The following ACVR1 variants were observed in gnomAD, a reference collection of about 807,000 sequenced individuals.
ACVR1 encodes the protein activin receptor type-1.
Under a neutral mutation model 57.1 loss-of-function variants are expected in ACVR1, and 38 were observed. The observed-to-expected ratio is 0.67, with a 90% confidence interval of 0.51 to 0.87. ACVR1 has a LOEUF of 0.87. ACVR1 is among the 40% of genes least tolerant of loss of function. ACVR1 has a pLI of 0.00. For synonymous variants in ACVR1, 212 were observed against 228.1 expected (o/e 0.93, Z 0.63); for missense variants, 463 against 638.2 (o/e 0.73, Z 2.96).
intron 1 of ACVR1, among the ~76,000 whole-genome samples, chr2:157,861,422 C>G (rs1166971851): frequency 6.6e-6 from 1 of 152,146 alleles, no homozygotes; most frequent in Non-Finnish European, 1.5e-5. Flanking sequence ...TGGTTGGGGA[C>G]CTTCAGCAGG....
At chr2:157,867,540 T>C (rs766071553) in intron 1 of ACVR1, among the ~76,000 whole-genome samples, 34 of 152,128 alleles carry the variant, frequency 2.2e-4, no homozygotes. Context: ...CAGACAGACA[T>C]GGTCAAAAGA....
At chr2:157,854,178 A>C (rs1689422020) in intron 1 of ACVR1, among the ~76,000 whole-genome samples, 1 of 151,426 alleles carries the variant, frequency 6.6e-6, no homozygotes, top group Non-Finnish European at 1.5e-5. Flanking sequence ...AAAAGCATGA[A>C]TCAATCAGAC....
intron 1 of ACVR1, among the ~76,000 whole-genome samples, chr2:157,828,578 C>A (rs945478711): frequency 6.6e-6 from 1 of 151,940 alleles, no homozygotes. Context: ...CATGTCACTG[C>A]GCTCCAGCCT....
intron 1 of ACVR1, among the ~76,000 whole-genome samples, chr2:157,858,331 A>AGAT (rs1265964406): frequency 5.3e-5 from 8 of 152,156 alleles, no homozygotes; most frequent in Non-Finnish European, 1.2e-4. Flanking sequence ...CCAAGGTGAC[A>AGAT]GATCCACCCT....
intron 1 of ACVR1, chr2:157,860,319 G>C (rs1021640464): frequency 6.6e-6 from 1 of 152,264 alleles, no homozygotes; most frequent in Admixed American, 6.5e-5. Context: ...AACCCGGACA[G>C]TCAGTCACCC....
intron 2 of ACVR1, among the ~76,000 whole-genome samples, chr2:157,810,397 C>T (rs924591052): frequency 6.6e-6 from 1 of 152,140 alleles, no homozygotes; most frequent in African/African-American, 2.4e-5. Context: ...ATCCAGTGTG[C>T]CAGGCCCCAT....
chr2:157,770,373 A>G lies in ACVR1; in HGVS notation c.785T>C (p.Ile262Thr). ...GGGGTTATCCTTGTACTTACCTAAG[A>G]TATTTTCATGCCTCAGCATCACAGT... is the stretch of plus-strand genomic sequence containing the variant. ...YNTVMLRHEN[I>T]LGFIASDMTS... Residue 262 changes from isoleucine to threonine, a missense_variant, in exon 7 of 11, where the codon ATC becomes ACC. Physicochemically the swap from Ile to Thr is moderately conservative, Grantham distance 89 (BLOSUM62 -1). This residue lies in a region of ACVR1 where 114 missense variants were observed against 216.2 expected (regional missense o/e 0.53). Transcript: ENST00000434821. 1 of 1,614,062 alleles carries G rather than the reference A, an allele frequency of 6.2e-7. No homozygotes were observed. The highest frequency in any genetic ancestry group is 8.5e-7 in the Non-Finnish European group (1 of 1,179,924).
At chr2:157,809,133 TA>T (rs1162518137) in intron 2 of ACVR1, among the ~76,000 whole-genome samples, 1 of 152,194 alleles carries the variant, frequency 6.6e-6, no homozygotes, top group African/African-American at 2.4e-5. Context: ...CTTTCATAGT[TA>T]TTTTTACAGT....
chr2:157,781,187 A>T (rs1445918036), intron 3 of ACVR1, among the ~76,000 whole-genome samples: 1 of 152,066 alleles, frequency 6.6e-6, no homozygotes, highest in African/African-American at 2.4e-5. Flanking sequence ...AAATTTAAAA[A>T]TTTTTCTGGA....
chr2:157,870,223 AC>A (rs1367672890), intron 1 of ACVR1, among the ~76,000 whole-genome samples: 3 of 152,098 alleles, frequency 2.0e-5, no homozygotes, highest in Admixed American at 6.6e-5. Flanking sequence ...GCCCAAGATC[AC>A]CCCACCTTCG....
intron 1 of ACVR1, among the ~76,000 whole-genome samples, chr2:157,851,968 T>C (rs1042744562): frequency 7.4e-6 from 1 of 134,430 alleles, no homozygotes; most frequent in African/African-American, 2.8e-5. Context: ...AAACATGTAA[T>C]ACATGGGAGC....
intron 5 of ACVR1, among the ~76,000 whole-genome samples, chr2:157,774,571 T>A (rs1686203947): frequency 6.6e-6 from 1 of 151,690 alleles, no homozygotes; most frequent in South Asian, 2.1e-4. Context: ...TCCATGTTGG[T>A]CAGGCTGGTC....
intron 5 of ACVR1, among the ~76,000 whole-genome samples, chr2:157,774,684 G>A (rs1189643396): frequency 3.9e-5 from 6 of 152,098 alleles, no homozygotes; most frequent in Non-Finnish European, 5.9e-5. Flanking sequence ...TTATTTCTTC[G>A]GAATACTAGA....
intron 3 of ACVR1, among the ~76,000 whole-genome samples, chr2:157,795,086 C>A (rs1687054509): frequency 6.6e-6 from 1 of 151,898 alleles, no homozygotes; most frequent in African/African-American, 2.4e-5. Flanking sequence ...TGTGATCTAG[C>A]TTCATTACAG....
chr2:157,808,352 G>C (rs145019162), intron 2 of ACVR1, among the ~76,000 whole-genome samples: 49 of 152,284 alleles, frequency 3.2e-4, no homozygotes, highest in Non-Finnish European at 5.4e-4. Flanking sequence ...GGTGTGGAGA[G>C]AGGAAGGTGA....
At chr2:157,852,961 T>A (rs1471545296) in intron 1 of ACVR1, among the ~76,000 whole-genome samples, 1 of 152,220 alleles carries the variant, frequency 6.6e-6, no homozygotes, top group Non-Finnish European at 1.5e-5. Context: ...AGGTAGGATG[T>A]GGAGATGTTC....
intron 9 of ACVR1, among the ~76,000 whole-genome samples, chr2:157,742,971 T>A (rs1684836166): frequency 6.6e-6 from 1 of 152,096 alleles, no homozygotes; most frequent in African/African-American, 2.4e-5. Flanking sequence ...CTCCTCTGCA[T>A]GTTTTCCATC....
rs1181946545 is a variant in ACVR1 at position 157,762,368 on chromosome 2, G to T, written c.1067-1291C>A. ...TAATCTATAAATTAAACTATAATAG[G>T]TATGTAATAGGAAAAAACATAGTAT... On this transcript the variant is annotated intron_variant, in intron 8 of 10. Coordinates refer to ENST00000434821, the MANE Select transcript of ACVR1 (RefSeq NM_001111067.4). Among the ~76,000 whole-genome samples, 5 of 152,190 alleles carry T rather than the reference G, an allele frequency of 3.3e-5. No homozygotes were observed. In the East Asian group the frequency reaches 9.6e-4, roughly 29 times the overall value.
chr2:157,772,856 G>A lies in ACVR1; in HGVS notation c.643+1232C>T, dbSNP rs184333841. On this transcript the variant is annotated intron_variant, in intron 6 of 10. Coordinates refer to ENST00000434821, the MANE Select transcript of ACVR1 (RefSeq NM_001111067.4). ...GAAGCAGCAAACAGTGACAATAGCC[G>A]TAGACCTAGAGAAAGGACAACCAAG... is the stretch of plus-strand genomic sequence containing the variant. 2.8e-4 allele frequency among the ~76,000 whole-genome samples: 43 copies of A among 152,288 alleles called. 1 individual carries two copies. The East Asian group carries it at 8.3e-3, about 29-fold the overall frequency.
Sources: allele counts gnomAD v4.1 joint callset (sites outside exome capture counted in the v4.1 genomes callset), GRCh38; gene constraint gnomAD v4.1.1; regional missense constraint gnomAD v4.1.1; transcripts MANE v1.5; gene names NCBI Gene and HGNC (gene_info 2026-07-23, HGNC 2026-07-21).